The following SPOCK1 variants were observed in gnomAD, a reference collection of about 807,000 sequenced individuals.
The protein encoded by SPOCK1 is SPARC (osteonectin), cwcv and kazal like domains proteoglycan 1, also known as testican-1.
A neutral mutation model predicts 55.3 loss-of-function variants in SPOCK1; 23 were observed. The observed-to-expected ratio is 0.42, with a 90% CI of 0.30 to 0.59. The LOEUF is 0.59. Among genes scored for constraint, SPOCK1 ranks in the 20% least tolerant of loss-of-function variants. The probability of loss-of-function intolerance (pLI) is 0.22; values close to 1 mark genes in which losing one functional copy is unlikely to be tolerated. For missense variants in SPOCK1, 499 were observed against 552.5 expected, an observed-to-expected ratio of 0.90 and a Z score of 0.97; for synonymous variants, 226 against 221.0, an observed-to-expected ratio of 1.02 and a Z score of -0.20.
At chr5:137,318,915 A>G (rs1263955326) in intron 2 of SPOCK1, among the ~76,000 whole-genome samples, 2 of 152,220 alleles carry the variant, frequency 1.3e-5, no homozygotes, top group African/African-American at 4.8e-5. Flanking sequence ...TAGGAAATCA[A>G]AGTTCATTCA....
At chr5:137,106,432 C>T (rs1753369274) in intron 5 of SPOCK1, among the ~76,000 whole-genome samples, 2 of 152,112 alleles carry the variant, frequency 1.3e-5, no homozygotes, top group Non-Finnish European at 2.9e-5. Flanking sequence ...TGCTGGGCTC[C>T]CAGATGGTCC....
intron 2 of SPOCK1, among the ~76,000 whole-genome samples, chr5:137,437,509 C>T (rs1381807886): frequency 2.6e-5 from 4 of 152,176 alleles, no homozygotes; most frequent in Non-Finnish European, 5.9e-5. Flanking sequence ...GATTTTAGAA[C>T]ATTTTTATCA....
At chr5:137,247,759 A>AG (rs1421485600) in intron 3 of SPOCK1, among the ~76,000 whole-genome samples, 1 of 152,198 alleles carries the variant, frequency 6.6e-6, no homozygotes, top group Non-Finnish European at 1.5e-5. Flanking sequence ...GACATGGCAG[A>AG]GGGGGTCTAA....
intron 3 of SPOCK1, among the ~76,000 whole-genome samples, chr5:137,266,798 A>G (rs1756860598): frequency 6.6e-6 from 1 of 152,184 alleles, no homozygotes; most frequent in Non-Finnish European, 1.5e-5. Context: ...AGCCAATTAA[A>G]AGAAATTGTT....
At chr5:137,464,698 CAA>C (rs980739696) in intron 2 of SPOCK1, among the ~76,000 whole-genome samples, 1 of 152,024 alleles carries the variant, frequency 6.6e-6, no homozygotes, top group African/African-American at 2.4e-5. Context: ...AGGTCTAGGA[CAA>C]AGAGGAACTC....
intron 2 of SPOCK1, among the ~76,000 whole-genome samples, chr5:137,468,554 A>G (rs1753669173): frequency 6.6e-6 from 1 of 152,208 alleles, no homozygotes; most frequent in Non-Finnish European, 1.5e-5. Flanking sequence ...CAAATGGCCA[A>G]CATTGTAATC....
intron 2 of SPOCK1, among the ~76,000 whole-genome samples, chr5:137,400,677 C>G (rs1260195780): frequency 6.6e-6 from 1 of 152,160 alleles, no homozygotes; most frequent in Non-Finnish European, 1.5e-5. Flanking sequence ...CAGTTGCCAT[C>G]AAATGGTCCT....
At chr5:137,133,369 C>CAAA (rs576091633) in intron 4 of SPOCK1, among the ~76,000 whole-genome samples, 3 of 120,208 alleles carry the variant, frequency 2.5e-5, no homozygotes. Flanking sequence ...GACTCCATCT[C>CAAA]AAAAAAAAAA....
chr5:137,372,641 G>C (rs920355695), intron 2 of SPOCK1, among the ~76,000 whole-genome samples: 1 of 152,230 alleles, frequency 6.6e-6, no homozygotes, highest in Non-Finnish European at 1.5e-5. Flanking sequence ...GGTAAAGAGA[G>C]TGTTAAAGAG....
At chr5:137,241,132 A>T (rs976060351) in intron 3 of SPOCK1, among the ~76,000 whole-genome samples, 2 of 152,206 alleles carry the variant, frequency 1.3e-5, no homozygotes, top group Admixed American at 6.5e-5. Flanking sequence ...AGTTAAATTT[A>T]AAAAATAATG....
chr5:137,384,758 C>T (rs1234013049), intron 2 of SPOCK1, among the ~76,000 whole-genome samples: 10 of 152,084 alleles, frequency 6.6e-5, no homozygotes, highest in Non-Finnish European at 8.8e-5. Flanking sequence ...TGGCCTTCCC[C>T]TCTTTGTCTC....
chr5:136,982,497 G>T (rs1750751879), intron 9 of SPOCK1, among the ~76,000 whole-genome samples: 1 of 151,980 alleles, frequency 6.6e-6, no homozygotes, highest in Admixed American at 6.6e-5. Flanking sequence ...TTTATACCTT[G>T]TCTTTTTTCC....
chr5:137,474,264 G>C (rs916007245), intron 2 of SPOCK1, among the ~76,000 whole-genome samples: 1 of 152,058 alleles, frequency 6.6e-6, no homozygotes, highest in Non-Finnish European at 1.5e-5. Flanking sequence ...TTTGAACTTT[G>C]GTAGGTTTGT....
At chr5:137,336,465 C>A (rs1750281360) in intron 2 of SPOCK1, among the ~76,000 whole-genome samples, 1 of 152,184 alleles carries the variant, frequency 6.6e-6, no homozygotes, top group Non-Finnish European at 1.5e-5. Flanking sequence ...TTAAATAAGG[C>A]TCTATAAATT....
At chr5:137,492,756 G>C (rs1286741723) in intron 2 of SPOCK1, among the ~76,000 whole-genome samples, 1 of 152,228 alleles carries the variant, frequency 6.6e-6, no homozygotes, top group African/African-American at 2.4e-5. Flanking sequence ...GTGCCAGACT[G>C]CTCAGTTGCT....
intron 3 of SPOCK1, among the ~76,000 whole-genome samples, chr5:137,215,119 A>C (rs1375782906): frequency 6.6e-6 from 1 of 152,238 alleles, no homozygotes; most frequent in Non-Finnish European, 1.5e-5. Context: ...GGGAGAAAAC[A>C]ATATTTCTGA....
intron 3 of SPOCK1, among the ~76,000 whole-genome samples, chr5:137,256,420 A>G (rs1042725071): frequency 2.6e-5 from 4 of 152,178 alleles, no homozygotes; most frequent in African/African-American, 9.6e-5. Context: ...GTCCAAGATC[A>G]AGGGGCTGCA....
chr5:137,220,620 C>T (rs1188210039), intron 3 of SPOCK1, among the ~76,000 whole-genome samples: 1 of 152,156 alleles, frequency 6.6e-6, no homozygotes, highest in Admixed American at 6.5e-5. Flanking sequence ...ACTCCACTGC[C>T]CTCTAGTGTA....
intron 6 of SPOCK1, among the ~76,000 whole-genome samples, chr5:137,001,011 A>C (rs1751138154): frequency 6.6e-6 from 1 of 152,210 alleles, no homozygotes. Context: ...TCAAAAAATA[A>C]ATAAATAAAA....
Sources: allele counts gnomAD v4.1 joint callset (sites outside exome capture counted in the v4.1 genomes callset), GRCh38; gene constraint gnomAD v4.1.1; transcripts MANE v1.5; gene names NCBI Gene and HGNC (gene_info 2026-07-23, HGNC 2026-07-21).